The following CLVS1 variants were observed in gnomAD, a reference collection of about 807,000 sequenced individuals.
The protein encoded by CLVS1 is clavesin 1, also known as clavesin-1.
A neutral mutation model predicts 33.1 loss-of-function variants in CLVS1; 10 were observed. The observed-to-expected ratio is 0.30, with a 90% CI of 0.19 to 0.51. The LOEUF is 0.51. Among genes scored for constraint, CLVS1 ranks in the 20% least tolerant of loss-of-function variants. The pLI, the probability that CLVS1 is intolerant of heterozygous loss-of-function variation, is 0.97. For synonymous variants in CLVS1, 163 were observed against 166.1 expected, an observed-to-expected ratio of 0.98 and a Z score of 0.14; for missense variants, 343 against 433.4, an observed-to-expected ratio of 0.79 and a Z score of 1.85.
intron 2 of CLVS1, among the ~76,000 whole-genome samples, chr8:61,282,941 C>T (rs1809703241): frequency 6.6e-6 from 1 of 152,198 alleles, no homozygotes; most frequent in Non-Finnish European, 1.5e-5. Flanking sequence ...TTCCCTCCTA[C>T]CCAGTGATGC....
At chr8:60,987,803 G>A in the CLVS1 span, among the ~76,000 whole-genome samples, 18 of 152,080 alleles carry the variant, frequency 1.2e-4, no homozygotes, top group Non-Finnish European at 2.5e-4. Context: ...GTGGTGGCTC[G>A]AGCCTGTAGT....
At chr8:61,375,695 G>T (rs896662898) in intron 2 of CLVS1, among the ~76,000 whole-genome samples, 1 of 152,168 alleles carries the variant, frequency 6.6e-6, no homozygotes, top group Non-Finnish European at 1.5e-5. Context: ...CTTAGGGGGA[G>T]TAGCAGATTT....
At chr8:61,276,106 C>T (rs1443859671) in intron 2 of CLVS1, among the ~76,000 whole-genome samples, 1 of 152,168 alleles carries the variant, frequency 6.6e-6, no homozygotes, top group Admixed American at 6.5e-5. Context: ...GAAACCTATG[C>T]TTGGGATTTT....
the CLVS1 span, among the ~76,000 whole-genome samples, chr8:61,006,239 C>T: frequency 6.6e-6 from 1 of 152,152 alleles, no homozygotes; most frequent in Admixed American, 6.5e-5. Flanking sequence ...TGGCCAGAAG[C>T]CAAATCAATT....
intron 1 of CLVS1, among the ~76,000 whole-genome samples, chr8:61,072,714 G>A (rs2129280605): frequency 6.6e-6 from 1 of 152,268 alleles, no homozygotes; most frequent in Middle Eastern, 3.4e-3. Flanking sequence ...TGGTGCTCAT[G>A]TAATGAATGA....
chr8:61,093,982 T>A (rs995901222), intron 1 of CLVS1, among the ~76,000 whole-genome samples: 12 of 152,184 alleles, frequency 7.9e-5, no homozygotes, highest in African/African-American at 2.9e-4. Context: ...GCCATGGGGT[T>A]TTCGGTCATT....
chr8:61,445,527 T>TC (rs1816727049), intron 3 of CLVS1, among the ~76,000 whole-genome samples: 3 of 152,238 alleles, frequency 2.0e-5, no homozygotes, highest in Middle Eastern at 6.8e-3. Flanking sequence ...GAGTGGAAGC[T>TC]CCCTGAAGCC....
chr8:61,120,043 T>C (rs996454916), intron 1 of CLVS1, among the ~76,000 whole-genome samples: 7 of 147,638 alleles, frequency 4.7e-5, no homozygotes, highest in Non-Finnish European at 8.9e-5. Flanking sequence ...TTCACATAGT[T>C]CCATATTTCT....
intron 1 of CLVS1, among the ~76,000 whole-genome samples, chr8:61,290,298 AT>A (rs1809938588): frequency 6.6e-6 from 1 of 152,222 alleles, no homozygotes; most frequent in Non-Finnish European, 1.5e-5. Context: ...TGCTGAGCTT[AT>A]TAATTTTTAT....
At chr8:61,055,265 C>T (rs750848600), upstream of CLVS1, among the ~76,000 whole-genome samples, 8 of 152,090 alleles carry the variant, frequency 5.3e-5, no homozygotes, top group African/African-American at 1.2e-4. Flanking sequence ...AGAGAAAAAC[C>T]GTCTTAAACA....
chr8:61,411,026 T>A (rs1815202163), intron 3 of CLVS1, among the ~76,000 whole-genome samples: 1 of 152,210 alleles, frequency 6.6e-6, no homozygotes, highest in South Asian at 2.1e-4. Context: ...ATTTGTCAGA[T>A]GGACAAATGC....
intron 3 of CLVS1, among the ~76,000 whole-genome samples, chr8:61,447,846 G>A (rs1009024166): frequency 1.4e-4 from 21 of 151,976 alleles, no homozygotes; most frequent in African/African-American, 2.4e-4. Context: ...CTGATGATTC[G>A]AAAATTCTCT....
intron 3 of CLVS1, among the ~76,000 whole-genome samples, chr8:61,382,100 C>G (rs992734999): frequency 2.6e-5 from 4 of 152,242 alleles, no homozygotes; most frequent in Admixed American, 2.6e-4. Context: ...GTTCACTTCT[C>G]TTTGGCAAAT....
At chr8:61,069,062 G>A (rs536407053) in intron 1 of CLVS1, among the ~76,000 whole-genome samples, 1 of 152,258 alleles carries the variant, frequency 6.6e-6, no homozygotes, top group Admixed American at 6.5e-5. Flanking sequence ...CGCCTTCCAA[G>A]TTCAAGTGAT....
intron 2 of CLVS1, among the ~76,000 whole-genome samples, chr8:61,163,873 A>G (rs1305960606): frequency 6.6e-6 from 1 of 152,212 alleles, no homozygotes; most frequent in Non-Finnish European, 1.5e-5. Flanking sequence ...CGTGTCTGCC[A>G]TGGCGGCAAA....
chr8:61,316,362 G>C (rs576174061), intron 2 of CLVS1, among the ~76,000 whole-genome samples: 1 of 152,166 alleles, frequency 6.6e-6, no homozygotes, highest in Non-Finnish European at 1.5e-5. Context: ...TGGTGGAAGA[G>C]GAGATACCCA....
At chr8:61,034,908 G>A in the CLVS1 span, among the ~76,000 whole-genome samples, 1 of 152,120 alleles carries the variant, frequency 6.6e-6, no homozygotes, top group African/African-American at 2.4e-5. Flanking sequence ...CAGATGTTCT[G>A]GATCATAGAT....
intron 2 of CLVS1, among the ~76,000 whole-genome samples, chr8:61,232,029 T>TG (rs1563455079): frequency 1.8e-3 from 79 of 43,756 alleles, no homozygotes; most frequent in Admixed American, 2.6e-3. Context: ...TGTGGTTTTT[T>TG]TTTTTTTTTT....
chr8:61,328,239 A>G (rs1811457344), intron 2 of CLVS1, among the ~76,000 whole-genome samples: 1 of 152,194 alleles, frequency 6.6e-6, no homozygotes, highest in African/African-American at 2.4e-5. Context: ...TGATCCAGGG[A>G]ATAGCTGGAT....
Sources: gnomAD v4.1 joint callset for allele counts (sites outside exome capture counted in the v4.1 genomes callset) on GRCh38, gnomAD v4.1.1 for gene constraint, MANE v1.5 for transcripts, NCBI Gene and HGNC (gene_info 2026-07-23, HGNC 2026-07-21) for gene names.